Variants in RIMS2 observed in about 807,000 individuals in gnomAD.
RIMS2 encodes the protein regulating synaptic membrane exocytosis 2.
A neutral mutation model predicts 174.4 loss-of-function variants in RIMS2; 59 were observed. The ratio of observed to expected loss-of-function variants is 0.34; its 90% CI spans 0.27 to 0.42. The LOEUF is 0.42. RIMS2 is among the 10% of genes least tolerant of loss of function. The probability of loss-of-function intolerance (pLI) is 1.00; values close to 1 mark genes in which losing one functional copy is unlikely to be tolerated. For missense variants in RIMS2, 1,620 were observed against 1,666.3 expected (o/e 0.97, Z 0.48); for synonymous variants, 606 against 572.5 (o/e 1.06, Z -0.84).
At chr8:103,605,607 T>G (rs1023326903) in intron 1 of RIMS2, among the ~76,000 whole-genome samples, 3 of 151,964 alleles carry the variant, frequency 2.0e-5, no homozygotes, top group African/African-American at 7.3e-5. Flanking sequence ...CTGGTAGAAT[T>G]CAGCTGTGAA....
intron 13 of RIMS2, among the ~76,000 whole-genome samples, chr8:103,940,797 G>A (rs377492499): frequency 1.9e-4 from 28 of 150,884 alleles, no homozygotes; most frequent in African/African-American, 6.6e-4. Flanking sequence ...AATCACTTGA[G>A]CCCGGGAGGC....
intron 19 of RIMS2, among the ~76,000 whole-genome samples, chr8:104,047,026 G>C (rs2096708021): frequency 6.6e-6 from 1 of 151,968 alleles, no homozygotes; most frequent in African/African-American, 2.4e-5. Flanking sequence ...TATTGATAAA[G>C]TATGATACTT....
At chr8:103,895,263 C>T (rs781780785) in intron 4 of RIMS2, among the ~76,000 whole-genome samples, 7 of 150,586 alleles carry the variant, frequency 4.6e-5, no homozygotes, top group Non-Finnish European at 7.4e-5. Context: ...ACTGAGAGTC[C>T]GTATCTTAGC....
chr8:103,761,850 C>A, intron 2 of RIMS2, among the ~76,000 whole-genome samples: 1 of 152,076 alleles, frequency 6.6e-6, no homozygotes, highest in Non-Finnish European at 1.5e-5. Flanking sequence ...TTTTTCTGTG[C>A]AGTTAGCTGG....
At chr8:103,957,627 G>C (rs939284116) in intron 14 of RIMS2, among the ~76,000 whole-genome samples, 1 of 152,192 alleles carries the variant, frequency 6.6e-6, no homozygotes, top group African/African-American at 2.4e-5. Context: ...GGCTAGAGGA[G>C]GGATAGCATT....
chr8:103,854,836 G>C (rs796334770), intron 3 of RIMS2, among the ~76,000 whole-genome samples: 1 of 151,862 alleles, frequency 6.6e-6, no homozygotes, highest in East Asian at 1.9e-4. Context: ...TTTTCTCGTG[G>C]TATATATGTC....
intron 14 of RIMS2, among the ~76,000 whole-genome samples, chr8:103,945,805 A>G (rs1595614524): frequency 1.3e-5 from 2 of 152,072 alleles, no homozygotes; most frequent in Non-Finnish European, 2.9e-5. Flanking sequence ...CTAGAAGAGA[A>G]CCCTCCACAA....
intron 19 of RIMS2, among the ~76,000 whole-genome samples, chr8:104,100,921 ATAT>A (rs2097866056): frequency 7.8e-6 from 1 of 128,278 alleles, no homozygotes; most frequent in Non-Finnish European, 1.6e-5. Flanking sequence ...GTAATATATT[ATAT>A]ATGTGATATA....
intron 1 of RIMS2, among the ~76,000 whole-genome samples, chr8:103,543,316 G>T (rs946869698): frequency 1.3e-5 from 2 of 152,062 alleles, no homozygotes; most frequent in African/African-American, 4.8e-5. Context: ...GGAGGTGAAA[G>T]ATAAGTACAC....
intron 15 of RIMS2, among the ~76,000 whole-genome samples, chr8:103,967,965 A>G (rs966243670): frequency 2.0e-5 from 3 of 151,282 alleles, no homozygotes; most frequent in Non-Finnish European, 4.4e-5. Flanking sequence ...GGTTCAAGCA[A>G]TTCTCTCACC....
chr8:103,878,325 C>A (rs2154516317), intron 3 of RIMS2, among the ~76,000 whole-genome samples: 1 of 151,888 alleles, frequency 6.6e-6, no homozygotes, highest in African/African-American at 2.4e-5. Flanking sequence ...AAAGCAACCT[C>A]CTTGGTTAAG....
chr8:103,843,971 A>T (rs1029529689), intron 3 of RIMS2, among the ~76,000 whole-genome samples: 1 of 152,196 alleles, frequency 6.6e-6, no homozygotes, highest in South Asian at 2.1e-4. Flanking sequence ...CGTCTTTCCC[A>T]TGATGTTCTC....
intron 3 of RIMS2, among the ~76,000 whole-genome samples, chr8:103,844,816 T>C (rs972165464): frequency 5.3e-5 from 8 of 152,122 alleles, no homozygotes; most frequent in African/African-American, 1.9e-4. Flanking sequence ...ACCTTTTGTT[T>C]CTGCTTCTCC....
intron 19 of RIMS2, among the ~76,000 whole-genome samples, chr8:104,167,682 G>A (rs571813670): frequency 1.3e-5 from 2 of 152,012 alleles, no homozygotes; most frequent in South Asian, 4.1e-4. Flanking sequence ...AGTTTAACTG[G>A]GTCCCACCTA....
intron 15 of RIMS2, among the ~76,000 whole-genome samples, chr8:103,973,292 G>C (rs1046670277): frequency 3.3e-5 from 5 of 152,162 alleles, no homozygotes; most frequent in South Asian, 2.1e-4. Flanking sequence ...GGAAATGGAG[G>C]TAATATCTTG....
chr8:104,252,908 A>G (rs556355698), downstream of RIMS2: 2 of 152,292 alleles, frequency 1.3e-5, no homozygotes, highest in East Asian at 3.9e-4. Flanking sequence ...CTAAAAAATT[A>G]CAAGTTTTGA....
chr8:103,572,964 A>G (rs1256243845), intron 1 of RIMS2, among the ~76,000 whole-genome samples: 2 of 152,166 alleles, frequency 1.3e-5, no homozygotes, highest in Non-Finnish European at 2.9e-5. Flanking sequence ...TCGTAGTCAT[A>G]AATTCTTCCC....
At chr8:103,968,311 A>G (rs2092396532) in intron 15 of RIMS2, among the ~76,000 whole-genome samples, 1 of 152,102 alleles carries the variant, frequency 6.6e-6, no homozygotes, top group South Asian at 2.1e-4. Flanking sequence ...TAGTTAGTGC[A>G]TGTAAATGAG....
chr8:103,526,506 G>A (rs1335880100), intron 1 of RIMS2, among the ~76,000 whole-genome samples: 2 of 152,078 alleles, frequency 1.3e-5, no homozygotes, highest in African/African-American at 4.8e-5. Flanking sequence ...AGACCAACAG[G>A]GGATTCAAAT....
Sources: allele counts gnomAD v4.1 joint callset (sites outside exome capture counted in the v4.1 genomes callset), GRCh38; gene constraint gnomAD v4.1.1; transcripts MANE v1.5; gene names NCBI Gene and HGNC (gene_info 2026-07-23, HGNC 2026-07-21).